The following SLC35F1 variants were observed in gnomAD, a reference collection of about 807,000 sequenced individuals.
SLC35F1 encodes solute carrier family 35 member F1.
Under a neutral mutation model 48.7 loss-of-function variants are expected in SLC35F1, and 14 were observed. That is an observed-to-expected ratio of 0.29 (90% CI 0.19 to 0.45). The LOEUF (loss-of-function observed/expected upper bound fraction) is 0.45, where lower values mean the gene tolerates loss of function less well. Ranked by LOEUF, SLC35F1 falls within the 20% of genes least tolerant of loss-of-function variation. The pLI is 1.00. For missense variants in SLC35F1, 404 were observed against 500.0 expected, an observed-to-expected ratio of 0.81 and a Z score of 1.83; for synonymous variants, 190 against 202.2, an observed-to-expected ratio of 0.94 and a Z score of 0.51.
At position 118,181,841 on chromosome 6, in the gene SLC35F1, C is replaced by G. The variant is rs111326514; in HGVS notation, c.349+27221C>G. ...ACAAAAATGTTACTTAGTGATAAGA[C>G]TCACTACCTATTGATTAAATTTTAG... On this transcript the variant is annotated intron_variant, in intron 2 of 7. Coordinates refer to ENST00000360388, the MANE Select transcript of SLC35F1 (RefSeq NM_001029858.4). Among the ~76,000 whole-genome samples the G allele has an allele frequency of 4.5e-3, 683 of 152,206 alleles. 5 individuals are homozygous for G. Among genetic ancestry groups the G allele is most frequent in the African/African-American group, 0.016 (651 of 41,566 alleles).
chr6:118,242,119 TG>T, intron 3 of SLC35F1, among the ~76,000 whole-genome samples: 1 of 152,338 alleles, frequency 6.6e-6, no homozygotes, highest in Admixed American at 6.5e-5. Context: ...ATATGGTAAG[TG>T]CATATTTACT....
chr6:118,242,720 A>G (rs1366108610), intron 3 of SLC35F1, among the ~76,000 whole-genome samples: 1 of 152,214 alleles, frequency 6.6e-6, no homozygotes, highest in Non-Finnish European at 1.5e-5. Flanking sequence ...AAGATTATTC[A>G]TCTTTTTTCA....
chr6:118,169,144 G>A (rs537212601), intron 2 of SLC35F1, among the ~76,000 whole-genome samples: 64 of 152,276 alleles, frequency 4.2e-4, no homozygotes, highest in African/African-American at 1.5e-3. Context: ...ATTGCAATAT[G>A]CACAATTTCC....
intron 5 of SLC35F1, among the ~76,000 whole-genome samples, chr6:118,275,845 A>G (rs1775912508): frequency 6.6e-6 from 1 of 152,208 alleles, no homozygotes; most frequent in African/African-American, 2.4e-5. Flanking sequence ...AACATTGTAA[A>G]TAATTTGCAG....
At chr6:117,982,544 T>A (rs1224311850) in intron 1 of SLC35F1, among the ~76,000 whole-genome samples, 1 of 152,158 alleles carries the variant, frequency 6.6e-6, no homozygotes, top group Non-Finnish European at 1.5e-5. Flanking sequence ...ACATTAGCAG[T>A]GGTGAATAAT....
chr6:117,927,849 G>A (rs1347824394), intron 1 of SLC35F1, among the ~76,000 whole-genome samples: 2 of 152,172 alleles, frequency 1.3e-5, no homozygotes, highest in African/African-American at 4.8e-5. Flanking sequence ...AAGCAGCCTT[G>A]TACTTTCTAT....
chr6:118,311,972 TC>T (rs367555193), intron 7 of SLC35F1, among the ~76,000 whole-genome samples: 47 of 152,178 alleles, frequency 3.1e-4, no homozygotes, highest in African/African-American at 1.1e-3. Context: ...ACATGCCTTA[TC>T]TAATTTAATA....
chr6:118,166,821 G>C (rs998643624), intron 2 of SLC35F1, among the ~76,000 whole-genome samples: 1 of 152,272 alleles, frequency 6.6e-6, no homozygotes, highest in Admixed American at 6.5e-5. Context: ...CCTATACTGA[G>C]AGTGTCTCTT....
chr6:117,999,493 AC>A, intron 1 of SLC35F1: 2 of 1,401,768 alleles, frequency 1.4e-6, no homozygotes, highest in Non-Finnish European at 1.9e-6. Flanking sequence ...GCGACCCCCC[AC>A]CCCCACCCCT....
chr6:118,154,558 AG>A lies in SLC35F1; in HGVS notation c.288del (p.Ser97ValfsTer16). 1 of 1,614,084 alleles carries A rather than the reference AG, an allele frequency of 6.2e-7. No individual in the cohort carries two copies. Among genetic ancestry groups the A allele is most frequent in the Non-Finnish European group, 8.5e-7 (1 of 1,179,962 alleles). On this transcript the variant is annotated frameshift_variant, in exon 2 of 8. Transcript: ENST00000360388. LOFTEE classifies it high-confidence loss of function. ...EDFHANTPVF[Q>X]SFLNYILLFL... is the part of the protein sequence containing the mutation. The stretch of plus-strand genomic sequence containing the variant: ...TTCCACGCCAACACACCAGTCTTCC[AG>A]AGTTTCCTCAATTACATTCTTCTCT...
chr6:118,139,482 T>G (rs1356914233), intron 1 of SLC35F1, among the ~76,000 whole-genome samples: 1 of 152,070 alleles, frequency 6.6e-6, no homozygotes, highest in Non-Finnish European at 1.5e-5. Context: ...TGTTATGGAG[T>G]AGACATGCAG....
At chr6:118,228,873 C>A (rs909634133) in intron 2 of SLC35F1, among the ~76,000 whole-genome samples, 3 of 151,760 alleles carry the variant, frequency 2.0e-5, no homozygotes, top group Non-Finnish European at 4.4e-5. Flanking sequence ...TTTGTTCTGG[C>A]GTAAAAACAC....
At chr6:118,027,047 G>A (rs796124233) in intron 1 of SLC35F1, among the ~76,000 whole-genome samples, 202 of 152,230 alleles carry the variant, frequency 1.3e-3, no homozygotes, top group African/African-American at 4.8e-3. Flanking sequence ...TGTCATAAAT[G>A]GATGATAAAC....
chr6:118,034,078 A>C (rs576321755), intron 1 of SLC35F1, among the ~76,000 whole-genome samples: 43 of 152,342 alleles, frequency 2.8e-4, no homozygotes, highest in African/African-American at 1.0e-3. Flanking sequence ...GAATAGTAAA[A>C]TGACTTTTTA....
chr6:118,054,072 T>C (rs1772429102), intron 1 of SLC35F1, among the ~76,000 whole-genome samples: 1 of 152,220 alleles, frequency 6.6e-6, no homozygotes, highest in Non-Finnish European at 1.5e-5. Context: ...GCTGAAGATG[T>C]GTTTGTTGAA....
intron 3 of SLC35F1, among the ~76,000 whole-genome samples, chr6:118,260,136 G>A (rs977439952): frequency 1.3e-5 from 2 of 152,094 alleles, no homozygotes; most frequent in Non-Finnish European, 2.9e-5. Flanking sequence ...GTCACATATT[G>A]TATGATTTCA....
At chr6:117,914,408 A>G (rs769407418) in intron 1 of SLC35F1, among the ~76,000 whole-genome samples, 1 of 152,224 alleles carries the variant, frequency 6.6e-6, no homozygotes, top group Non-Finnish European at 1.5e-5. Context: ...TACTAATTAT[A>G]TACAGATTTA....
At chr6:117,921,346 G>A (rs981222709) in intron 1 of SLC35F1, among the ~76,000 whole-genome samples, 4 of 152,202 alleles carry the variant, frequency 2.6e-5, no homozygotes, top group Admixed American at 2.0e-4. Context: ...CAGTCACCCC[G>A]TAAGGGGTTT....
At chr6:118,035,980 C>T (rs1014011307) in intron 1 of SLC35F1, among the ~76,000 whole-genome samples, 9 of 152,142 alleles carry the variant, frequency 5.9e-5, no homozygotes, top group African/African-American at 1.4e-4. Flanking sequence ...GCGTGAGCCA[C>T]CGCACCCAGA....
Sources: gnomAD v4.1 joint callset for allele counts (sites outside exome capture counted in the v4.1 genomes callset) on GRCh38, gnomAD v4.1.1 for gene constraint, MANE v1.5 for transcripts, NCBI Gene and HGNC (gene_info 2026-07-23, HGNC 2026-07-21) for gene names.